The following BRD10 variants were observed in gnomAD, a reference collection of about 807,000 sequenced individuals.
BRD10 encodes the protein uncharacterized bromodomain-containing protein 10.
the BRD10 span, chr9:5,920,916 T>C: frequency 3.1e-6 from 5 of 1,613,984 alleles, no homozygotes; most frequent in Middle Eastern, 1.6e-4. Context: ...TTTGACAAAA[T>C]AGGCATAATT....
At chr9:6,007,065 G>A in the BRD10 span, 6 of 893,812 alleles carry the variant, frequency 6.7e-6, no homozygotes, top group South Asian at 6.9e-5. Context: ...TCCTCCTCCC[G>A]GGCTTCTCCA....
chr9:5,897,565 G>A, the BRD10 span: 1 of 1,614,048 alleles, frequency 6.2e-7, no homozygotes, highest in African/African-American at 1.3e-5. Flanking sequence ...AGGGCCGCTG[G>A]GATCGGCATC....
At chr9:5,964,436 G>T in the BRD10 span, among the ~76,000 whole-genome samples, 4 of 150,630 alleles carry the variant, frequency 2.7e-5, no homozygotes, top group African/African-American at 9.8e-5. Flanking sequence ...GGAGAAATAG[G>T]AACACTTTTA....
the BRD10 span, among the ~76,000 whole-genome samples, chr9:5,973,665 G>A: frequency 1.3e-5 from 2 of 152,104 alleles, no homozygotes; most frequent in Non-Finnish European, 2.9e-5. Flanking sequence ...GAGGTGGGAG[G>A]ATAGCTTAAG....
At chr9:5,898,532 T>C in the BRD10 span, among the ~76,000 whole-genome samples, 13 of 152,178 alleles carry the variant, frequency 8.5e-5, no homozygotes. Context: ...ACATTCAAAC[T>C]ATAGCACCTG....
chr9:5,984,802 AC>A, the BRD10 span, among the ~76,000 whole-genome samples: 1 of 152,182 alleles, frequency 6.6e-6, no homozygotes, highest in Non-Finnish European at 1.5e-5. Context: ...ACTGAAAACT[AC>A]AAAATACAGC....
At chr9:5,922,257 T>C in the BRD10 span, 2 of 1,613,836 alleles carry the variant, frequency 1.2e-6, no homozygotes, top group South Asian at 1.1e-5. Flanking sequence ...CTACCAGGAT[T>C]TGTAGACCCA....
chr9:5,891,529 G>A, the BRD10 span, among the ~76,000 whole-genome samples: 1 of 152,110 alleles, frequency 6.6e-6, no homozygotes, highest in Non-Finnish European at 1.5e-5. Context: ...GTTTTAAACT[G>A]GGGCTCATTA....
the BRD10 span, among the ~76,000 whole-genome samples, chr9:5,930,117 T>C: frequency 6.4e-5 from 9 of 141,368 alleles, no homozygotes; most frequent in African/African-American, 2.4e-4. Context: ...CATAATCATG[T>C]TGGGTTTTTT....
chr9:5,913,951 C>T, the BRD10 span: 7 of 439,720 alleles, frequency 1.6e-5, no homozygotes, highest in Admixed American at 5.1e-5. Flanking sequence ...AAGATGGCCT[C>T]GAGAAAGTCT....
chr9:6,005,326 C>T, the BRD10 span, among the ~76,000 whole-genome samples: 1 of 151,794 alleles, frequency 6.6e-6, no homozygotes, highest in East Asian at 1.9e-4. Context: ...GCCTGGCCAA[C>T]ATGGCGAAAC....
At chr9:5,935,732 G>A in the BRD10 span, among the ~76,000 whole-genome samples, 6 of 152,200 alleles carry the variant, frequency 3.9e-5, no homozygotes, top group South Asian at 2.1e-4. Flanking sequence ...AAATTAAGAC[G>A]GGAAATATTT....
At chr9:5,958,892 T>C in the BRD10 span, among the ~76,000 whole-genome samples, 3 of 152,230 alleles carry the variant, frequency 2.0e-5, no homozygotes, top group African/African-American at 7.2e-5. Flanking sequence ...GTCTTTTATT[T>C]ACTAAATGTG....
At chr9:6,000,811 A>G in the BRD10 span, among the ~76,000 whole-genome samples, 2 of 152,110 alleles carry the variant, frequency 1.3e-5, no homozygotes, top group East Asian at 3.8e-4. Flanking sequence ...TCATAACCCT[A>G]ATCTTTTTTC....
At chr9:5,894,258 C>T in the BRD10 span, among the ~76,000 whole-genome samples, 1 of 152,194 alleles carries the variant, frequency 6.6e-6, no homozygotes, top group South Asian at 2.1e-4. The surrounding 1 kb of genome is among the most constrained non-coding windows in gnomAD (Gnocchi z 4.0). Flanking sequence ...GTACCCACAA[C>T]CTGAACAAGG....
the BRD10 span, among the ~76,000 whole-genome samples, chr9:5,980,016 A>AAAAAAAAAAAAG: frequency 6.6e-5 from 2 of 30,508 alleles, no homozygotes; most frequent in African/African-American, 1.2e-4. Context: ...CTCCATCTCA[A>AAAAAAAAAAAAG]AAAAAAAAAA....
the BRD10 span, among the ~76,000 whole-genome samples, chr9:5,903,150 T>C: frequency 1.3e-5 from 2 of 152,230 alleles, no homozygotes; most frequent in African/African-American, 2.4e-5. Flanking sequence ...TCTTTCTGTA[T>C]TGATTTCTGC....
the BRD10 span, among the ~76,000 whole-genome samples, chr9:5,979,040 T>G: frequency 1.3e-5 from 2 of 152,206 alleles, no homozygotes. Flanking sequence ...CATATTTAAT[T>G]AAGTCACTGC....
chr9:5,908,603 T>C, the BRD10 span: 1 of 1,559,300 alleles, frequency 6.4e-7, no homozygotes, highest in Non-Finnish European at 8.8e-7. Flanking sequence ...ACATACACTG[T>C]TGCCAAGCCC....
Sources: gnomAD v4.1 joint callset for allele counts (sites outside exome capture counted in the v4.1 genomes callset) on GRCh38, gnomAD v4.1.1 for gene constraint, Gnocchi (gnomAD v3.1) non-coding constraint, MANE v1.5 for transcripts, NCBI Gene and HGNC (gene_info 2026-07-23, HGNC 2026-07-21) for gene names.